The following TMEM40 variants were observed in gnomAD, a reference collection of about 807,000 sequenced individuals.
The protein encoded by TMEM40 is transmembrane protein 40.
TMEM40 carries 34 observed loss-of-function variants against 40.8 expected under a neutral mutation model. That is an observed-to-expected ratio of 0.83 (90% CI 0.63 to 1.11). The LOEUF (loss-of-function observed/expected upper bound fraction) is 1.11. Among genes scored for constraint, TMEM40 ranks in the 50% least tolerant of loss-of-function variants. The pLI, the probability that TMEM40 is intolerant of heterozygous loss-of-function variation, is 0.00. For synonymous variants in TMEM40, 106 were observed against 107.0 expected (o/e 0.99, Z 0.06); for missense variants, 296 against 280.2 (o/e 1.06, Z -0.40).
chr3:12,748,689 TGAGGAGGAAGAGGAG>T lies in TMEM40; in HGVS notation c.162_176del (p.Ser66_Ser70del), dbSNP rs772697831. The T allele has an allele frequency of 2.4e-5, 39 of 1,612,718 alleles. No individual in the cohort carries two copies. Among genetic ancestry groups the T allele is most frequent in the South Asian group, 1.1e-5 (1 of 91,054 alleles). ...AGGAGGATGAAGAAGATGAGGAGGA[TGAGGAGGAAGAGGAG>T]GAGGAGGAAGAAGACTTGTTTCTCT... On this transcript the variant is annotated inframe_deletion, in exon 3 of 12. Transcript: ENST00000314124.
At chr3:12,747,480 C>T (rs1037396816) in intron 3 of TMEM40, among the ~76,000 whole-genome samples, 1 of 152,116 alleles carries the variant, frequency 6.6e-6, no homozygotes, top group Non-Finnish European at 1.5e-5. Flanking sequence ...ACAACAGCTC[C>T]CAGCACAGAG....
Position 12,738,562 on chromosome 3 carries a change from C to T in TMEM40, c.382G>A (p.Gly128Arg). The T allele has an allele frequency of 6.2e-7, 1 of 1,614,100 alleles. No individual in the cohort carries two copies. The highest frequency in any genetic ancestry group is 8.5e-7 in the Non-Finnish European group (1 of 1,180,014). ...GDAPGEVVPS[G>R]ESGLRRRGSD... ...CTAACTGGACACTCACCTGATTCCC[C>T]AGAGGGTACCACCTCTCCAGGAGCA... The change falls in exon 6 of 12, where the codon GGG becomes AGG. Residue 128 changes from glycine (G) to arginine (R), a missense_variant. Gly to Arg is a moderately radical substitution (Grantham distance 125, BLOSUM62 -2). Coordinates refer to ENST00000314124, the MANE Select transcript of TMEM40 (RefSeq NM_018306.4).
At chr3:12,737,964 C>G in intron 7 of TMEM40, 172 bp downstream of exon 7, 1 of 1,001,044 alleles carries the variant, frequency 1.0e-6, no homozygotes, top group Non-Finnish European at 1.5e-6. Flanking sequence ...CCGAGTCTGC[C>G]TTCCTTTCCA....
At chr3:12,752,757 C>T (rs73022980) in intron 1 of TMEM40, among the ~76,000 whole-genome samples, 35,853 of 151,394 alleles carry the variant, frequency 0.24, 5,315 homozygotes, top group Non-Finnish European at 0.34. Flanking sequence ...GAATTGAGAT[C>T]GCGCGACTGC....
upstream of TMEM40, among the ~76,000 whole-genome samples, chr3:12,762,944 G>A (rs1474693339): frequency 6.6e-6 from 1 of 152,066 alleles, no homozygotes; most frequent in Admixed American, 6.5e-5. Flanking sequence ...TGGATCACGA[G>A]GTCAGGAGAT....
chr3:12,769,376 C>A, exon 1 of TMEM40: 1 of 230,280 alleles, frequency 4.3e-6, no homozygotes, highest in South Asian at 3.2e-5. Context: ...GAGGAGGCAC[C>A]AAGAGCAAGC....
intron 1 of TMEM40, among the ~76,000 whole-genome samples, chr3:12,768,110 G>C (rs574688503): frequency 6.6e-6 from 1 of 152,084 alleles, no homozygotes; most frequent in African/African-American, 2.4e-5. Context: ...GTGGGTTCAC[G>C]GTCTCGCTGG....
upstream of TMEM40, among the ~76,000 whole-genome samples, chr3:12,762,474 A>G (rs2061576173): frequency 6.6e-6 from 1 of 152,126 alleles, no homozygotes; most frequent in South Asian, 2.1e-4. Context: ...GTCTTCTCCA[A>G]TTGCTCCTTT....
chr3:12,740,745 C>G (rs2061375712), intron 5 of TMEM40, among the ~76,000 whole-genome samples: 2 of 152,024 alleles, frequency 1.3e-5, no homozygotes, highest in Admixed American at 6.6e-5. Flanking sequence ...GTAGTCCCAG[C>G]TTCTCAGGAG....
chr3:12,761,016 C>T (rs1330439274), upstream of TMEM40, among the ~76,000 whole-genome samples: 2 of 152,236 alleles, frequency 1.3e-5, no homozygotes, highest in Non-Finnish European at 1.5e-5. Context: ...GGATTATAGG[C>T]GTAAGCCACT....
chr3:12,762,507 G>C (rs113028699), upstream of TMEM40, among the ~76,000 whole-genome samples: 6,340 of 152,222 alleles, frequency 0.042, 158 homozygotes, highest in Middle Eastern at 0.065. Context: ...CTGTGGTCCA[G>C]AGGCCACAGG....
intron 7 of TMEM40, 116 bp from the exon 8 acceptor site, chr3:12,737,870 G>A (rs2061349345): frequency 9.1e-7 from 1 of 1,094,096 alleles, no homozygotes; most frequent in Admixed American, 1.8e-5. Flanking sequence ...GGGTCAGAGG[G>A]CACTCACTGC....
Position 12,737,553 on chromosome 3 carries a change from T to C in TMEM40, c.472+154A>G, listed in dbSNP as rs1157258658. On this transcript the variant is annotated intron_variant, in intron 8 of 11. Coordinates refer to ENST00000314124, the MANE Select transcript of TMEM40 (RefSeq NM_018306.4). ...CAAAATGGGAACCATTGTCCCACCCTGTTGAGGTGATTCTGAGCTGAGTAA... is the reference window on the plus strand; with the variant it reads ...CAAAATGGGAACCATTGTCCCACCCCGTTGAGGTGATTCTGAGCTGAGTAA... The C allele has an allele frequency of 8.5e-6, 6 of 709,912 alleles. No homozygotes were observed. The South Asian group carries it at 1.0e-4, about 12-fold the overall frequency. The allele number at this position is 709,912 out of a possible 1,614,324, so 44.0% of individuals were successfully genotyped here. A position where few individuals can be genotyped will look rare whatever the true frequency, so the allele number is the denominator to read the frequency against.
chr3:12,745,772 G>T (rs933322508), intron 3 of TMEM40, among the ~76,000 whole-genome samples: 6 of 151,334 alleles, frequency 4.0e-5, no homozygotes, highest in African/African-American at 1.5e-4. Context: ...TAAATAAAAG[G>T]TATTATGGAA....
chr3:12,736,753 C>T lies in TMEM40; in HGVS notation c.544+11G>A, dbSNP rs2061340945. 1 of 1,614,104 alleles carries T rather than the reference C, an allele frequency of 6.2e-7. No individual in the cohort carries two copies. ...TCCCCCTTGTGCATTCCCCAGGGCA[C>T]CTCCCCTCACCTGCGTAATAGTGAT... On this transcript the variant is annotated intron_variant, in intron 9 of 11. Coordinates refer to ENST00000314124, the MANE Select transcript of TMEM40 (RefSeq NM_018306.4).
At chr3:12,736,949 G>A (rs1410564561) in intron 8 of TMEM40, 114 bp from the exon 9 acceptor site, 1 of 1,292,784 alleles carries the variant, frequency 7.7e-7, no homozygotes, top group Non-Finnish European at 1.1e-6. Flanking sequence ...TGCGATCCCA[G>A]CTCATTGCAG....
intron 7 of TMEM40, 39 bp downstream of exon 7, chr3:12,738,097 C>T: frequency 6.2e-7 from 1 of 1,612,234 alleles, no homozygotes. Context: ...CTGGAATCCA[C>T]ACCCGCTCTG....
chr3:12,736,697 A>C (rs2061340329), intron 9 of TMEM40, 45 bp from the exon 10 acceptor site: 2 of 1,613,304 alleles, frequency 1.2e-6, no homozygotes, highest in Non-Finnish European at 1.7e-6. Context: ...CCAGGTCTTG[A>C]CGCCCCTGCC....
In TMEM40 at chr3:12,741,620, G is replaced by A. The variant is rs756284187; in HGVS notation, c.355+834C>T. 2.4e-4 allele frequency among the ~76,000 whole-genome samples: 36 copies of A among 152,318 alleles called. No homozygotes were observed. The Middle Eastern group carries it at 0.01, about 43-fold the overall frequency. On this transcript the variant is annotated intron_variant, in intron 5 of 11. Transcript: ENST00000314124. ...AGTGAATGTATCTACATTTTCTACA[G>A]TGAATATGAATTACTTAATGAGAAA...
Sources: allele counts gnomAD v4.1 joint callset (sites outside exome capture counted in the v4.1 genomes callset), GRCh38; gene constraint gnomAD v4.1.1; transcripts MANE v1.5; gene names NCBI Gene and HGNC (gene_info 2026-07-23, HGNC 2026-07-21).